SMAD6: variants seen among roughly 807,000 people sequenced by gnomAD.
SMAD6 encodes the protein MAD homolog 6.
A neutral mutation model predicts 39.4 loss-of-function variants in SMAD6; 103 were observed. The observed-to-expected ratio is 2.62, with a 90% CI of 2.23 to 3.08. The LOEUF (loss-of-function observed/expected upper bound fraction) is 3.08. Among genes scored for constraint, SMAD6 ranks in the 30% most tolerant of loss-of-function variants. The pLI, the probability that SMAD6 is intolerant of heterozygous loss-of-function variation, is 0.00. For synonymous variants in SMAD6, 445 were observed against 353.3 expected (o/e 1.26, Z -2.91); for missense variants, 1,104 against 742.9 (o/e 1.49, Z -5.65).
intron 3 of SMAD6, among the ~76,000 whole-genome samples, chr15:66,763,618 A>G (rs1252819819): frequency 6.6e-6 from 1 of 151,910 alleles, no homozygotes. Flanking sequence ...CTGCCACTCC[A>G]CACTCCCCAG....
At chr15:66,736,302 C>T (rs1007744518) in intron 3 of SMAD6, among the ~76,000 whole-genome samples, 4 of 152,170 alleles carry the variant, frequency 2.6e-5, no homozygotes, top group African/African-American at 9.7e-5. Context: ...GTGTCCCATC[C>T]AATACTGGGG....
At chr15:66,721,552 A>G (rs971987234) in intron 3 of SMAD6, among the ~76,000 whole-genome samples, 1 of 152,196 alleles carries the variant, frequency 6.6e-6, no homozygotes, top group Non-Finnish European at 1.5e-5. Flanking sequence ...TGAGTCGGCC[A>G]TCTATTAGTT....
At chr15:66,711,634 C>T (rs745495989) in intron 1 of SMAD6, 34 bp from the exon 2 acceptor site, 1 of 1,578,632 alleles carries the variant, frequency 6.3e-7, no homozygotes, top group Non-Finnish European at 8.7e-7. Context: ...AGCTCCCCAA[C>T]CCTGGCAGTG....
intron 1 of SMAD6, 82 bp downstream of exon 1, chr15:66,704,157 G>T (rs922135031): frequency 8.7e-7 from 1 of 1,143,854 alleles, no homozygotes; most frequent in Non-Finnish European, 1.1e-6. Context: ...GACACTGCGG[G>T]TCGGCGCAGC....
At chr15:66,717,603 C>G (rs2469123) in intron 3 of SMAD6, 59,895 of 384,672 alleles carry the variant, frequency 0.16, 4,830 homozygotes, top group East Asian at 0.19. Context: ...CTGCTCATGG[C>G]TGCCTGGCCA....
At chr15:66,710,817 A>G (rs1311308453) in intron 1 of SMAD6, among the ~76,000 whole-genome samples, 1 of 152,220 alleles carries the variant, frequency 6.6e-6, no homozygotes, top group Non-Finnish European at 1.5e-5. Flanking sequence ...ATAGACAATA[A>G]GGAATCATAG....
chr15:66,781,488 A>G lies in SMAD6; in HGVS notation c.1444A>G (p.Thr482Ala). 6.3e-7 allele frequency: 1 copy of G among 1,584,802 alleles called. No individual in the cohort carries two copies. Among genetic ancestry groups the G allele is most frequent in the Non-Finnish European group, 8.6e-7 (1 of 1,168,020 alleles). The change falls in exon 4 of 4, where the codon ACC (threonine) becomes GCC (alanine). Residue 482 changes from threonine (T) to alanine (A), a missense_variant. Coordinates refer to ENST00000288840, the MANE Select transcript of SMAD6 (RefSeq NM_005585.5). ...WGPCYSRQFI[T>A]SCPCWLEILL... ...GCCCTGCTACTCCCGGCAGTTCATCACCTCCTGCCCCTGCTGGCTGGAGAT... is the reference window on the plus strand; with the variant it reads ...GCCCTGCTACTCCCGGCAGTTCATCGCCTCCTGCCCCTGCTGGCTGGAGAT...
Position 66,781,013 on chromosome 15 carries a change from G to C in SMAD6, c.969G>C (p.Pro323=), listed in dbSNP as rs1226001558. 3.8e-6 allele frequency: 6 copies of C among 1,578,132 alleles called. No homozygotes were observed. Among genetic ancestry groups the C allele is most frequent in the Non-Finnish European group, 5.1e-6 (6 of 1,167,644 alleles). Residue 323 remains proline (P), a synonymous_variant, in exon 4 of 4, where the codon CCG becomes CCC. Transcript: ENST00000288840. ...GTCCCGCAGACGCCAGCATGTCTCC[G>C]GACGCCACCAAGCCGAGCCACTGGT... ...PGEFSDASMS[P]DATKPSHWCS...
At chr15:66,777,677 G>C (rs1461753190) in intron 3 of SMAD6, among the ~76,000 whole-genome samples, 7 of 152,150 alleles carry the variant, frequency 4.6e-5, no homozygotes, top group Admixed American at 4.6e-4. Flanking sequence ...GCAGACACCT[G>C]TTAAGGCCAA....
At chr15:66,740,820 C>T (rs1211754520) in intron 3 of SMAD6, 1 of 152,262 alleles carries the variant, frequency 6.6e-6, no homozygotes, top group Non-Finnish European at 1.5e-5. Context: ...GCTTGCTTTT[C>T]TTCCTCCCAC....
intron 2 of SMAD6, among the ~76,000 whole-genome samples, chr15:66,715,950 T>G (rs1893320885): frequency 6.6e-6 from 1 of 151,972 alleles, no homozygotes; most frequent in African/African-American, 2.4e-5. Context: ...GGCTGGTGAC[T>G]TGTTAAAACA....
chr15:66,763,037 G>A (rs1457230080), intron 3 of SMAD6, among the ~76,000 whole-genome samples: 1 of 151,844 alleles, frequency 6.6e-6, no homozygotes, highest in Admixed American at 6.7e-5. Context: ...TCACGCAGTG[G>A]GTACAGTCAG....
At chr15:66,754,665 C>G (rs1209626532) in intron 3 of SMAD6, among the ~76,000 whole-genome samples, 1 of 152,092 alleles carries the variant, frequency 6.6e-6, no homozygotes, top group South Asian at 2.1e-4. Context: ...GGGCATTTTA[C>G]GTAGAGTGTC....
At chr15:66,714,487 C>T (rs1188968695) in intron 2 of SMAD6, among the ~76,000 whole-genome samples, 1 of 152,188 alleles carries the variant, frequency 6.6e-6, no homozygotes, top group Non-Finnish European at 1.5e-5. Flanking sequence ...GGAACACAGC[C>T]AGGCTTGTCC....
chr15:66,751,155 T>C (rs906780500), intron 3 of SMAD6, among the ~76,000 whole-genome samples: 39 of 152,148 alleles, frequency 2.6e-4, no homozygotes, highest in Non-Finnish European at 4.1e-4. Context: ...CTTTGCAAAA[T>C]GTTGAGCCTT....
intron 3 of SMAD6, among the ~76,000 whole-genome samples, chr15:66,730,039 C>G (rs1051885803): frequency 1.3e-5 from 2 of 152,198 alleles, no homozygotes; most frequent in African/African-American, 4.8e-5. Context: ...GCCCGAGATC[C>G]CAGACCAGCC....
chr15:66,737,042 C>T lies in SMAD6; in HGVS notation c.952+20544C>T, dbSNP rs968760380. 1.8e-4 allele frequency among the ~76,000 whole-genome samples: 27 copies of T among 152,310 alleles called. 1 individual carries two copies. In the East Asian group the frequency reaches 5.2e-3, roughly 29 times the overall value. On this transcript the variant is annotated intron_variant, in intron 3 of 3. Coordinates refer to ENST00000288840, the MANE Select transcript of SMAD6 (RefSeq NM_005585.5). Reference sequence around the variant, plus strand: ...GGCCAAGGATCATCGGCCTGGGCCTCCAGCTCTCATTGTTCATGAATTTGG... The same window carrying T: ...GGCCAAGGATCATCGGCCTGGGCCTTCAGCTCTCATTGTTCATGAATTTGG...
At chr15:66,752,249 G>GT (rs1894019892) in intron 3 of SMAD6, among the ~76,000 whole-genome samples, 1 of 152,130 alleles carries the variant, frequency 6.6e-6, no homozygotes, top group South Asian at 2.1e-4. Context: ...CTTTGCCTCT[G>GT]TGGGGGGCCC....
At position 66,781,242 on chromosome 15, in the gene SMAD6, G is replaced by C. The variant is rs762357095; in HGVS notation, c.1198G>C (p.Val400Leu). Residue 400 changes from valine (V) to leucine (L), a missense_variant, in exon 4 of 4, where the codon GTG becomes CTG. Transcript: ENST00000288840. ...GILLSKEPDG[V>L]WAYNRGEHPI... Reference sequence around the variant, plus strand: ...CCTGCTCAGCAAGGAGCCCGACGGCGTGTGGGCCTACAACCGCGGCGAGCA... The same window carrying C: ...CCTGCTCAGCAAGGAGCCCGACGGCCTGTGGGCCTACAACCGCGGCGAGCA... 1 of 1,608,678 alleles carries C rather than the reference G, an allele frequency of 6.2e-7. No individual in the cohort carries two copies. Among genetic ancestry groups the C allele is most frequent in the Admixed American group, 1.7e-5 (1 of 59,982 alleles).
Sources: allele counts gnomAD v4.1 joint callset (sites outside exome capture counted in the v4.1 genomes callset), GRCh38; gene constraint gnomAD v4.1.1; transcripts MANE v1.5; gene names NCBI Gene and HGNC (gene_info 2026-07-23, HGNC 2026-07-21).